The following DHX32 variants were observed in gnomAD, a reference collection of about 807,000 sequenced individuals.
DHX32 encodes the protein putative pre-mRNA-splicing factor ATP-dependent RNA helicase DHX32.
DHX32 carries 51 observed loss-of-function variants against 70.0 expected under a neutral mutation model. That is an observed-to-expected ratio of 0.73 (90% CI 0.58 to 0.92). The LOEUF (loss-of-function observed/expected upper bound fraction) is 0.92, where lower values mean the gene tolerates loss of function less well. DHX32 is among the 40% of genes least tolerant of loss of function. The pLI, the probability that DHX32 is intolerant of heterozygous loss-of-function variation, is 0.00. For synonymous variants in DHX32, 310 were observed against 315.3 expected (o/e 0.98, Z 0.18); for missense variants, 762 against 891.8 (o/e 0.85, Z 1.85).
chr10:125,850,018 G>A lies in DHX32; in HGVS notation c.1351+2275C>T, dbSNP rs907802640. Among the ~76,000 whole-genome samples, 5 of 151,830 alleles carry A rather than the reference G, an allele frequency of 3.3e-5. No individual in the cohort carries two copies. The South Asian group carries it at 6.2e-4, about 19-fold the overall frequency. On this transcript the variant is annotated intron_variant, in intron 6 of 10. Coordinates refer to ENST00000284690, the MANE Select transcript of DHX32 (RefSeq NM_018180.3). ...GTCTTGCTCTGTCACCCTGTCTGAA[G>A]TACAGTAGCACGATCATAGCTCACT... is the stretch of plus-strand genomic sequence containing the variant.
In DHX32 at chr10:125,854,287, A is replaced by G. The variant is rs993576587; in HGVS notation, c.850-84T>C. ...AAATGTCTGAATTACAAAAAATTTTAGGCAATACTACGTAACAGATACAGG... is the reference window on the plus strand; with the variant it reads ...AAATGTCTGAATTACAAAAAATTTTGGGCAATACTACGTAACAGATACAGG... On this transcript the variant is annotated intron_variant, in intron 3 of 10. Coordinates refer to ENST00000284690, the MANE Select transcript of DHX32 (RefSeq NM_018180.3). 6 of 1,385,890 alleles carry G rather than the reference A, an allele frequency of 4.3e-6. No individual in the cohort carries two copies. In the African/African-American group the frequency reaches 8.7e-5, roughly 20 times the overall value. The allele number at this position is 1,385,890 out of a possible 1,614,324, so 85.8% of individuals were successfully genotyped here.
intron 1 of DHX32, among the ~76,000 whole-genome samples, chr10:125,879,015 GTTTTTTTTTT>G (rs35025096): frequency 5.3e-5 from 3 of 56,678 alleles, no homozygotes; most frequent in Admixed American, 2.5e-4. Context: ...GCCTTTTCTT[GTTTTTTTTTT>G]TTTTTTTTTT....
Position 125,866,066 on chromosome 10 carries a change from T to C in DHX32, c.476+924A>G, listed in dbSNP as rs1027037155. On this transcript the variant is annotated intron_variant, in intron 2 of 10. Coordinates refer to ENST00000284690, the MANE Select transcript of DHX32 (RefSeq NM_018180.3). This position sits in a 1 kb window ranked among gnomAD's most constrained non-coding sequence, Gnocchi z 4.8. ...CAAATGGGTTAGAGAGGTGCAGAAA[T>C]ACTGACCCCGAGATACTTAGCTACT... Among the ~76,000 whole-genome samples, 5 of 152,138 alleles carry C rather than the reference T, an allele frequency of 3.3e-5. No homozygotes were observed. Among genetic ancestry groups the C allele is most frequent in the African/African-American group, 9.7e-5 (4 of 41,436 alleles).
intron 1 of DHX32, among the ~76,000 whole-genome samples, chr10:125,895,845 G>A (rs1944483307): frequency 6.6e-6 from 1 of 152,032 alleles, no homozygotes. Context: ...TGGCTCTCGC[G>A]ATTCAGGAGA....
chr10:125,894,308 T>C (rs1316177095), intron 1 of DHX32, among the ~76,000 whole-genome samples: 1 of 152,208 alleles, frequency 6.6e-6, no homozygotes, highest in Non-Finnish European at 1.5e-5. Context: ...ACAATTTCTC[T>C]AAAGCCCTTC....
intron 1 of DHX32, among the ~76,000 whole-genome samples, chr10:125,889,291 G>T (rs1944356609): frequency 6.6e-6 from 1 of 152,050 alleles, no homozygotes; most frequent in Non-Finnish European, 1.5e-5. Flanking sequence ...TAAGATACAG[G>T]GCTGTGCACA....
rs185886431 is a variant in DHX32 at position 125,881,070 on chromosome 10, C to T, written c.-246G>A. 1,000 of 387,420 alleles carry T rather than the reference C, an allele frequency of 2.6e-3. 2 individuals carry two copies. Among genetic ancestry groups the T allele is most frequent in the Middle Eastern group, 4.0e-3 (6 of 1,504 alleles). The allele number at this position is 387,420 out of a possible 1,614,324, so 24.0% of individuals were successfully genotyped here. On this transcript the variant is annotated 5_prime_UTR_variant, in exon 1 of 11. It adds an upstream start codon to the 5' untranslated region. Coordinates refer to ENST00000284690, the MANE Select transcript of DHX32 (RefSeq NM_018180.3). ...ATTGTAAATGATTGTCAATAAACCA[C>T]ACTAAGAAACAAACAAACAAAAAGA...
chr10:125,861,995 GTA>G (rs1425667313), intron 2 of DHX32, among the ~76,000 whole-genome samples: 1 of 151,604 alleles, frequency 6.6e-6, no homozygotes, highest in Non-Finnish European at 1.5e-5. Flanking sequence ...CTAAGCTGGT[GTA>G]TATGTTTCTC....
At chr10:125,849,637 G>A (rs531296993) in intron 6 of DHX32, among the ~76,000 whole-genome samples, 5 of 152,302 alleles carry the variant, frequency 3.3e-5, no homozygotes, top group Admixed American at 6.5e-5. Flanking sequence ...CAGTCCTGCC[G>A]GTAGGTGTCA....
At chr10:125,874,326 G>A (rs1227529736) in intron 1 of DHX32, among the ~76,000 whole-genome samples, 1 of 152,206 alleles carries the variant, frequency 6.6e-6, no homozygotes, top group Non-Finnish European at 1.5e-5. Flanking sequence ...GTTTAGGATA[G>A]ATCCATTTTC....
chr10:125,860,025 A>C (rs77519217), intron 2 of DHX32, 50 bp from the exon 3 acceptor site: 3 of 1,435,468 alleles, frequency 2.1e-6, no homozygotes, highest in Non-Finnish European at 1.8e-6. Flanking sequence ...TAACTCATGC[A>C]AAAAACTTCC....
intron 10 of DHX32, among the ~76,000 whole-genome samples, chr10:125,837,171 G>A (rs954617037): frequency 2.6e-5 from 4 of 152,154 alleles, no homozygotes; most frequent in Non-Finnish European, 4.4e-5. Context: ...GGCACCAATC[G>A]TATGCTTAAG....
chr10:125,867,276 T>C, intron 1 of DHX32, 93 bp from the exon 2 acceptor site: 1 of 1,121,244 alleles, frequency 8.9e-7, no homozygotes, highest in South Asian at 1.6e-5. Context: ...TTATAAGTGA[T>C]TTTCTTTCAT....
intron 1 of DHX32, among the ~76,000 whole-genome samples, chr10:125,876,798 T>C (rs1170196776): frequency 6.6e-6 from 1 of 152,230 alleles, no homozygotes; most frequent in Non-Finnish European, 1.5e-5. Context: ...GATTGGATTT[T>C]GGACCAGAAA....
chr10:125,838,093 A>T, intron 10 of DHX32, 113 bp downstream of exon 10: 1 of 1,000,366 alleles, frequency 1.0e-6, no homozygotes, highest in Non-Finnish European at 1.4e-6. Flanking sequence ...AACGTAAATT[A>T]AGATTGCATC....
chr10:125,881,874 C>A (rs1239557978), upstream of DHX32, among the ~76,000 whole-genome samples: 4 of 152,202 alleles, frequency 2.6e-5, no homozygotes, highest in Admixed American at 2.6e-4. Flanking sequence ...AACTCCTGGG[C>A]TCAAGTGGTC....
chr10:125,847,786 C>T (rs1011041533), intron 6 of DHX32, among the ~76,000 whole-genome samples: 1 of 152,128 alleles, frequency 6.6e-6, no homozygotes, highest in African/African-American at 2.4e-5. Context: ...GAGACAGTGA[C>T]AGATCATCAG....
chr10:125,887,972 A>C (rs1944349133), intron 1 of DHX32, among the ~76,000 whole-genome samples: 1 of 152,110 alleles, frequency 6.6e-6, no homozygotes, highest in African/African-American at 2.4e-5. Context: ...AAATGAAATA[A>C]CACTTCTTGA....
intron 3 of DHX32, among the ~76,000 whole-genome samples, chr10:125,855,785 T>G (rs1005101289): frequency 2.0e-5 from 3 of 152,190 alleles, no homozygotes; most frequent in African/African-American, 7.2e-5. Flanking sequence ...AATATTTACT[T>G]TTATTCTCCT....
Sources: gnomAD v4.1 joint callset for allele counts (sites outside exome capture counted in the v4.1 genomes callset) on GRCh38, gnomAD v4.1.1 for gene constraint, Gnocchi (gnomAD v3.1) non-coding constraint, MANE v1.5 for transcripts, NCBI Gene and HGNC (gene_info 2026-07-23, HGNC 2026-07-21) for gene names.